KCNQ1: variants seen among roughly 807,000 people sequenced by gnomAD.
KCNQ1 encodes the protein potassium voltage-gated channel subfamily Q member 1, also known as potassium voltage-gated channel subfamily KQT member 1.
KCNQ1 carries 49 observed loss-of-function variants against 72.4 expected under a neutral mutation model. That is an observed-to-expected ratio of 0.68 (90% confidence interval 0.54 to 0.86). KCNQ1 has a LOEUF of 0.86. Among genes scored for constraint, KCNQ1 ranks in the 40% least tolerant of loss-of-function variants. The pLI, the probability that KCNQ1 is intolerant of heterozygous loss-of-function variation, is 0.00. For missense variants in KCNQ1, 790 were observed against 945.1 expected, an observed-to-expected ratio of 0.84 and a Z score of 2.15; for synonymous variants, 450 against 412.6, an observed-to-expected ratio of 1.09 and a Z score of -1.10.
At chr11:2,649,610 G>A (rs1849726792) in intron 10 of KCNQ1, 1 of 398,516 alleles carries the variant, frequency 2.5e-6, no homozygotes. Flanking sequence ...CCACCTTGCA[G>A]CACTTTTAAT....
chr11:2,631,143 A>G (rs1231225237), intron 10 of KCNQ1: 1 of 398,438 alleles, frequency 2.5e-6, no homozygotes, highest in Non-Finnish European at 4.4e-6. Flanking sequence ...CAGATATGGG[A>G]AGTTTTCAGC....
rs1456664504 is a variant in KCNQ1, at chr11:2,451,913, A to G, written c.386+6429A>G. Among the ~76,000 whole-genome samples the G allele has an allele frequency of 6.6e-6, 1 of 152,168 alleles. No individual in the cohort carries two copies. Among genetic ancestry groups the G allele is most frequent in the Non-Finnish European group, 1.5e-5 (1 of 68,022 alleles). ...AAGCCCTTAGGATGCTGTGGTCTCAAGTGAGGTGGTGCACTATTCCTGGCC... is the reference window on the plus strand; with the variant it reads ...AAGCCCTTAGGATGCTGTGGTCTCAGGTGAGGTGGTGCACTATTCCTGGCC... On this transcript the variant is annotated intron_variant, in intron 1 of 15. Transcript: ENST00000155840. This position sits in a 1 kb window ranked among gnomAD's most constrained non-coding sequence, Gnocchi z 6.4.
At position 2,664,120 on chromosome 11, in the gene KCNQ1, C is replaced by T. The variant is rs1850019764; in HGVS notation, c.1514+2039C>T. 10 of 398,584 alleles carry T rather than the reference C, an allele frequency of 2.5e-5. No individual in the cohort carries two copies. The highest frequency in any genetic ancestry group is 2.2e-4 in the Admixed American group (5 of 22,710). 24.7% of individuals were successfully genotyped at this position (398,584 alleles called of 1,614,324 possible). A position where few individuals can be genotyped will look rare whatever the true frequency, so the allele number is the denominator to read the frequency against. ...CAGTCATTACCCAACCAGGTCCCTGCCCTGTAACTTACCAAGGCCTCTCTC... is the reference window on the plus strand; with the variant it reads ...CAGTCATTACCCAACCAGGTCCCTGTCCTGTAACTTACCAAGGCCTCTCTC... On this transcript the variant is annotated intron_variant, in intron 11 of 15. Transcript: ENST00000155840. The surrounding 1 kb of genome is among the most constrained non-coding windows in gnomAD (Gnocchi z 5.1).
At position 2,745,141 on chromosome 11, in the gene KCNQ1, C is replaced by T. The variant is rs1436898324; in HGVS notation, c.1515-23703C>T. ...TATCTGTTTGGGACCTTTATTCCTC[C>T]ATGCCAACTTTAAAGTTAAGTTTAT... On this transcript the variant is annotated intron_variant, in intron 11 of 15. Transcript: ENST00000155840. The surrounding 1 kb of genome is among the most constrained non-coding windows in gnomAD (Gnocchi z 6.2). Among the ~76,000 whole-genome samples the T allele has an allele frequency of 6.6e-6, 1 of 152,184 alleles. No individual in the cohort carries two copies.
chr11:2,552,686 C>T (rs928512901), intron 2 of KCNQ1, among the ~76,000 whole-genome samples: 3 of 150,104 alleles, frequency 2.0e-5, no homozygotes, highest in Non-Finnish European at 1.5e-5. Context: ...TTCTGATCCA[C>T]GAACACGGTC....
intron 1 of KCNQ1, among the ~76,000 whole-genome samples, chr11:2,465,654 G>C (rs1040344170): frequency 1.3e-5 from 2 of 152,194 alleles, no homozygotes; most frequent in Non-Finnish European, 2.9e-5. Flanking sequence ...GGTGGAATTG[G>C]AGAGGGGAGG....
chr11:2,625,874 G>A (rs948631573), intron 10 of KCNQ1: 1 of 398,436 alleles, frequency 2.5e-6, no homozygotes, highest in African/African-American at 2.1e-5. Context: ...TGGCCCTTTT[G>A]CCCATTTTTC....
intron 10 of KCNQ1, chr11:2,633,884 T>C (rs1035321536): frequency 2.5e-6 from 1 of 398,664 alleles, no homozygotes; most frequent in Non-Finnish European, 4.4e-6. Context: ...GTCATCTGTA[T>C]ACATAGTTTT....
Position 2,671,970 on chromosome 11 carries a change from G to T in KCNQ1, c.1514+9889G>T, listed in dbSNP as rs1215129954. The T allele has an allele frequency of 5.0e-6, 2 of 398,474 alleles. No individual in the cohort carries two copies. The highest frequency in any genetic ancestry group is 7.1e-5 in the East Asian group (2 of 28,078). 24.7% of individuals were successfully genotyped at this position (398,474 alleles called of 1,614,324 possible). On this transcript the variant is annotated intron_variant, in intron 11 of 15. Coordinates refer to ENST00000155840, the MANE Select transcript of KCNQ1 (RefSeq NM_000218.3). The surrounding 1 kb of genome is among the most constrained non-coding windows in gnomAD (Gnocchi z 4.7). The stretch of plus-strand genomic sequence containing the variant: ...TGGGGTAGAAAGAGTGGGCTAAAAA[G>T]TCAGCTAGCACCCCTGACTTCAAGT...
intron 9 of KCNQ1, among the ~76,000 whole-genome samples, 179 bp downstream of exon 9, chr11:2,587,871 A>C (rs1335210426): frequency 6.6e-6 from 1 of 152,112 alleles, no homozygotes. Flanking sequence ...CTGCCATCCC[A>C]ATGTCCCCCG....
At chr11:2,606,971 C>T (rs1218772202) in intron 10 of KCNQ1, among the ~76,000 whole-genome samples, 2 of 142,190 alleles carry the variant, frequency 1.4e-5, no homozygotes, top group Admixed American at 7.4e-5. Context: ...GGTGTGATCA[C>T]GGCTCACTGC....
At position 2,572,739 on chromosome 11, in the gene KCNQ1, G is replaced by A. The variant is rs113455511; in HGVS notation, c.781-107G>A. On this transcript the variant is annotated intron_variant, in intron 5 of 15. Transcript: ENST00000155840. ...CTGTGCATGTGAACCGCGCTGGAGCGGCGTAGGACGCCCAGTGATCGCTGG... is the reference window on the plus strand; with the variant it reads ...CTGTGCATGTGAACCGCGCTGGAGCAGCGTAGGACGCCCAGTGATCGCTGG... The A allele has an allele frequency of 2.3e-3, 3,315 of 1,440,800 alleles. 52 individuals are homozygous for A. In the African/African-American group the frequency reaches 0.035, roughly 15 times the overall value. 89.3% of individuals were successfully genotyped at this position (1,440,800 alleles called of 1,614,324 possible).
At chr11:2,770,961 G>A (rs1218349082) in intron 12 of KCNQ1, among the ~76,000 whole-genome samples, 1 of 152,248 alleles carries the variant, frequency 6.6e-6, no homozygotes, top group Non-Finnish European at 1.5e-5. Context: ...GAAGGGCCAG[G>A]GTGTGTCAGT....
chr11:2,768,243 C>T lies in KCNQ1; in HGVS notation c.1515-601C>T, dbSNP rs1171417926. The stretch of plus-strand genomic sequence containing the variant: ...TTTTCTATGCACAGACACATCATCC[C>T]CTTTGTTTCCTTTTGTGATGCTGTT... On this transcript the variant is annotated intron_variant, in intron 11 of 15. Transcript: ENST00000155840. This position sits in a 1 kb window ranked among gnomAD's most constrained non-coding sequence, Gnocchi z 6.7. Among the ~76,000 whole-genome samples, 1 of 152,188 alleles carries T rather than the reference C, an allele frequency of 6.6e-6. No individual in the cohort carries two copies. The highest frequency in any genetic ancestry group is 6.5e-5 in the Admixed American group (1 of 15,282).
At chr11:2,580,399 T>A (rs966564066) in intron 6 of KCNQ1, among the ~76,000 whole-genome samples, 4 of 144,298 alleles carry the variant, frequency 2.8e-5, no homozygotes, top group African/African-American at 1.1e-4. Context: ...TTTATTAAAA[T>A]AATAGACCCA....
chr11:2,516,435 G>A lies in KCNQ1; in HGVS notation c.387-11493G>A, dbSNP rs1246800860. ...TAAAGGGGATGTGGCGGCCAGCTCT[G>A]GGGGCACACGTTCCTGTTTGAATTC... On this transcript the variant is annotated intron_variant, in intron 1 of 15. Transcript: ENST00000155840. This position sits in a 1 kb window ranked among gnomAD's most constrained non-coding sequence, Gnocchi z 7.0. 6.6e-6 allele frequency among the ~76,000 whole-genome samples: 1 copy of A among 152,088 alleles called. No individual in the cohort carries two copies. Among genetic ancestry groups the A allele is most frequent in the Non-Finnish European group, 1.5e-5 (1 of 68,030 alleles).
chr11:2,724,265 T>C lies in KCNQ1; in HGVS notation c.1515-44579T>C, dbSNP rs1457424475. On this transcript the variant is annotated intron_variant, in intron 11 of 15. Transcript: ENST00000155840. The surrounding 1 kb of genome is among the most constrained non-coding windows in gnomAD (Gnocchi z 6.8). ...CCCTTTGCGGTGTCACCTTTCGGCATGTAACCACTTATTCTGTCAGGGAGG... is the reference window on the plus strand; with the variant it reads ...CCCTTTGCGGTGTCACCTTTCGGCACGTAACCACTTATTCTGTCAGGGAGG... 1.3e-5 allele frequency among the ~76,000 whole-genome samples: 2 copies of C among 152,216 alleles called. No homozygotes were observed. Among genetic ancestry groups the C allele is most frequent in the African/African-American group, 2.4e-5 (1 of 41,460 alleles).
intron 11 of KCNQ1, among the ~76,000 whole-genome samples, chr11:2,701,720 T>C (rs1850818948): frequency 6.6e-6 from 1 of 152,184 alleles, no homozygotes; most frequent in Non-Finnish European, 1.5e-5. Flanking sequence ...TCTGCCTGCT[T>C]CCTCTGTGCC....
chr11:2,592,298 G>A lies in KCNQ1; in HGVS notation c.1393+3444G>A, dbSNP rs1045808076. Among the ~76,000 whole-genome samples the A allele has an allele frequency of 2.6e-5, 4 of 152,218 alleles. No homozygotes were observed. Among genetic ancestry groups the A allele is most frequent in the Admixed American group, 6.5e-5 (1 of 15,284 alleles). ...GTCCTGACACCTCACTGAGCCTGTC[G>A]AGAGGCACAGGCAGGTATGGCAGTG... On this transcript the variant is annotated intron_variant, in intron 10 of 15. Coordinates refer to ENST00000155840, the MANE Select transcript of KCNQ1 (RefSeq NM_000218.3). The surrounding 1 kb of genome is among the most constrained non-coding windows in gnomAD (Gnocchi z 5.2).
Sources: allele counts gnomAD v4.1 joint callset (sites outside exome capture counted in the v4.1 genomes callset), GRCh38; gene constraint gnomAD v4.1.1; non-coding constraint Gnocchi (gnomAD v3.1); transcripts MANE v1.5; gene names NCBI Gene and HGNC (gene_info 2026-07-23, HGNC 2026-07-21).